Variants in SDK1 observed in about 807,000 individuals in gnomAD.
SDK1 encodes the protein protein sidekick-1.
SDK1 carries 157 observed loss-of-function variants against 245.5 expected under a neutral mutation model. The observed-to-expected ratio is 0.64, with a 90% CI of 0.56 to 0.73. SDK1 has a LOEUF of 0.73. Among genes scored for constraint, SDK1 ranks in the 30% least tolerant of loss-of-function variants. The pLI is 0.00. For synonymous variants in SDK1, 1,647 were observed against 1,278.5 expected, an observed-to-expected ratio of 1.29 and a Z score of -6.15; for missense variants, 3,583 against 3,002.3, an observed-to-expected ratio of 1.19 and a Z score of -4.52.
At chr7:3,623,007 G>A (rs1355637974) in intron 2 of SDK1, among the ~76,000 whole-genome samples, 1 of 151,402 alleles carries the variant, frequency 6.6e-6, no homozygotes, top group East Asian at 1.9e-4. Context: ...TCATATGTTA[G>A]CCTTCATGAG....
In SDK1 at chr7:3,361,212, G is replaced by C. The variant is rs187768827; in HGVS notation, c.298+59328G>C. On this transcript the variant is annotated intron_variant, in intron 1 of 44. Coordinates refer to ENST00000404826, the MANE Select transcript of SDK1 (RefSeq NM_152744.4). ...ATGCCTGTAAACTCTTCGGGAGATTGAAACGGGAGGATTGCACTCGCATCT... is the reference window on the plus strand; with the variant it reads ...ATGCCTGTAAACTCTTCGGGAGATTCAAACGGGAGGATTGCACTCGCATCT... 1.6e-3 allele frequency among the ~76,000 whole-genome samples: 248 copies of C among 152,294 alleles called. 2 individuals are homozygous for C. Among genetic ancestry groups the C allele is most frequent in the Non-Finnish European group, 2.7e-3 (185 of 68,026 alleles).
At position 3,969,311 on chromosome 7, in the gene SDK1, A is replaced by T; in HGVS notation, c.1601A>T (p.Glu534Val). The change falls in exon 11 of 45, where the codon GAA (glutamate) becomes GTA (valine). Residue 534 changes from glutamate to valine, a missense_variant. By Grantham distance (121) the Glu-to-Val change is moderately radical. Transcript: ENST00000404826. ...CGGATTCCTAGGTTCATGCTTCTTG[A>T]ATCGGGGGGTCTACAGATCGCGCCC... ...SVRIPRFMLLESGGLQIAPVF... is the reference protein window; with the variant it reads ...SVRIPRFMLLVSGGLQIAPVF... 3 of 1,610,842 alleles carry T rather than the reference A, an allele frequency of 1.9e-6. No individual in the cohort carries two copies. The South Asian group carries it at 3.3e-5, about 18-fold the overall frequency.
At chr7:3,637,702 G>C (rs1782508929) in intron 2 of SDK1, among the ~76,000 whole-genome samples, 1 of 152,176 alleles carries the variant, frequency 6.6e-6, no homozygotes, top group Non-Finnish European at 1.5e-5. Context: ...GACAGGCATG[G>C]ATTTGAAGGA....
intron 1 of SDK1, among the ~76,000 whole-genome samples, chr7:3,536,708 A>T (rs1320640661): frequency 6.6e-6 from 1 of 152,076 alleles, no homozygotes; most frequent in African/African-American, 2.4e-5. Flanking sequence ...AAAAAAACAA[A>T]AACAAAAAAC....
At chr7:3,606,876 A>G (rs972549366) in intron 1 of SDK1, among the ~76,000 whole-genome samples, 5 of 152,208 alleles carry the variant, frequency 3.3e-5, no homozygotes, top group Non-Finnish European at 5.9e-5. Context: ...ATAAACCAAA[A>G]TAACACAACT....
chr7:3,558,326 C>G (rs956386847), intron 1 of SDK1, among the ~76,000 whole-genome samples: 1 of 152,224 alleles, frequency 6.6e-6, no homozygotes, highest in East Asian at 1.9e-4. Context: ...CTTTTTATTT[C>G]CATCTCATAC....
In SDK1 at chr7:4,145,800, A is replaced by G; in HGVS notation, c.4307A>G (p.Gln1436Arg). The part of the protein sequence containing the change: ...TTVEVGATVR[Q>R]FTATDLAPES... ...GTGGAGGTCGGCGCCACAGTGAGGCAGTTCACAGCCACCGACCTGGCCCCG... is the reference window on the plus strand; with the variant it reads ...GTGGAGGTCGGCGCCACAGTGAGGCGGTTCACAGCCACCGACCTGGCCCCG... Residue 1436 changes from glutamine to arginine, a missense_variant, in exon 29 of 45, where the codon CAG becomes CGG. Coordinates refer to ENST00000404826, the MANE Select transcript of SDK1 (RefSeq NM_152744.4). 1 of 1,613,888 alleles carries G rather than the reference A, an allele frequency of 6.2e-7. No individual in the cohort carries two copies. Among genetic ancestry groups the G allele is most frequent in the South Asian group, 1.1e-5 (1 of 91,066 alleles).
At chr7:3,821,019 G>C (rs1779631611) in intron 4 of SDK1, among the ~76,000 whole-genome samples, 1 of 151,136 alleles carries the variant, frequency 6.6e-6, no homozygotes, top group South Asian at 2.1e-4. Context: ...CTCTGATGAG[G>C]CTCCCTCGAG....
intron 5 of SDK1, among the ~76,000 whole-genome samples, chr7:3,827,152 C>G (rs1779795254): frequency 6.6e-6 from 1 of 150,654 alleles, no homozygotes; most frequent in Admixed American, 6.7e-5. Context: ...ATCATTTGCC[C>G]TCAAAGTTTG....
rs576906052 is a variant in SDK1 at position 4,001,134 on chromosome 7, G to A, written c.2132-9832G>A. ...CTGCGTGGGAGTGCCTGTGGTGACC[G>A]CACGGTGCGGAATACAGCGTGGCTC... On this transcript the variant is annotated intron_variant, in intron 14 of 44. Coordinates refer to ENST00000404826, the MANE Select transcript of SDK1 (RefSeq NM_152744.4). Among the ~76,000 whole-genome samples the A allele has an allele frequency of 8.5e-4, 130 of 152,278 alleles. 1 individual carries two copies. Among genetic ancestry groups the A allele is most frequent in the African/African-American group, 2.8e-3 (118 of 41,572 alleles).
chr7:3,643,087 C>G (rs962667100), intron 4 of SDK1: 2 of 152,284 alleles, frequency 1.3e-5, no homozygotes, highest in Non-Finnish European at 2.9e-5. Context: ...CCTTGTGATT[C>G]TCATCTCCAA....
In SDK1 at chr7:3,962,841, G is replaced by A. The variant is rs1583651089; in HGVS notation, c.1419G>A (p.Leu473=). 1 of 1,611,808 alleles carries A rather than the reference G, an allele frequency of 6.2e-7. No individual in the cohort carries two copies. The highest frequency in any genetic ancestry group is 8.5e-7 in the Non-Finnish European group (1 of 1,179,130). The stretch of plus-strand genomic sequence containing the variant: ...GGGAGATCCAGACCCACACCTACCT[G>A]GATGTAACCAGTGAGTACACCCAGG... The part of the protein sequence containing the change: ...EGGEIQTHTY[L]DVTNIAPVFT... The change falls in exon 9 of 45, where the codon CTG becomes CTA. Residue 473 remains leucine, a synonymous_variant. Coordinates refer to ENST00000404826, the MANE Select transcript of SDK1 (RefSeq NM_152744.4).
At chr7:4,108,040 C>G (rs535696600) in intron 22 of SDK1, among the ~76,000 whole-genome samples, 10 of 152,334 alleles carry the variant, frequency 6.6e-5, no homozygotes, top group African/African-American at 2.2e-4. Context: ...CACGGCTCCT[C>G]TCCACTAGAC....
intron 22 of SDK1, among the ~76,000 whole-genome samples, chr7:4,099,091 G>A (rs1259468281): frequency 1.3e-5 from 2 of 152,002 alleles, no homozygotes; most frequent in Non-Finnish European, 2.9e-5. Flanking sequence ...AGGCTCTGCA[G>A]AGGAGGTGAG....
intron 5 of SDK1, among the ~76,000 whole-genome samples, chr7:3,836,463 T>C (rs1432459402): frequency 6.6e-6 from 1 of 152,194 alleles, no homozygotes; most frequent in African/African-American, 2.4e-5. Context: ...TCACTAAGCA[T>C]CATAGGCATT....
intron 1 of SDK1, among the ~76,000 whole-genome samples, chr7:3,464,158 C>T (rs1780917486): frequency 6.6e-6 from 1 of 152,192 alleles, no homozygotes; most frequent in African/African-American, 2.4e-5. Context: ...TGAGTGAAAC[C>T]TATACATACA....
At chr7:3,783,011 G>T (rs1218800043) in intron 4 of SDK1, among the ~76,000 whole-genome samples, 1 of 152,030 alleles carries the variant, frequency 6.6e-6, no homozygotes, top group African/African-American at 2.4e-5. Flanking sequence ...CACATTAAAG[G>T]GATCATTCAT....
At chr7:3,928,491 CA>C (rs948618434) in intron 5 of SDK1, among the ~76,000 whole-genome samples, 2 of 151,980 alleles carry the variant, frequency 1.3e-5, no homozygotes, top group African/African-American at 2.4e-5. Context: ...AAGTTCAGGT[CA>C]AAAAAATATG....
At chr7:3,885,515 G>A (rs534554898) in intron 5 of SDK1, among the ~76,000 whole-genome samples, 3 of 152,246 alleles carry the variant, frequency 2.0e-5, no homozygotes, top group Admixed American at 2.0e-4. Flanking sequence ...CCATGGCTTT[G>A]TCCTATCAAG....
Sources: gnomAD v4.1 joint callset for allele counts (sites outside exome capture counted in the v4.1 genomes callset) on GRCh38, gnomAD v4.1.1 for gene constraint, MANE v1.5 for transcripts, NCBI Gene and HGNC (gene_info 2026-07-23, HGNC 2026-07-21) for gene names.